Variants in IFT52 observed in about 807,000 individuals in gnomAD.
The protein encoded by IFT52 is intraflagellar transport 52, also known as intraflagellar transport protein 52 homolog.
In IFT52, 44 loss-of-function variants were observed where a neutral mutation model predicts 54.4. The observed-to-expected ratio is 0.81, with a 90% CI of 0.63 to 1.04. The LOEUF (loss-of-function observed/expected upper bound fraction) is 1.04. IFT52 is among the 50% of genes least tolerant of loss of function. The pLI, the probability that IFT52 is intolerant of heterozygous loss-of-function variation, is 0.00. For synonymous variants in IFT52, 181 were observed against 185.3 expected, an observed-to-expected ratio of 0.98 and a Z score of 0.19; for missense variants, 452 against 523.6, an observed-to-expected ratio of 0.86 and a Z score of 1.33.
rs886519019 is a variant in IFT52, at chr20:43,600,763, G to A, written c.208-2997G>A. ...AGGCGGGTGGAACACCAGACGTCAG[G>A]AGTTTGAGACTAGCCTGGCCAACAT... is the stretch of plus-strand genomic sequence containing the variant. On this transcript the variant is annotated intron_variant, in intron 3 of 13. Coordinates refer to ENST00000373030, the MANE Select transcript of IFT52 (RefSeq NM_016004.5). Among the ~76,000 whole-genome samples the A allele has an allele frequency of 1.3e-5, 2 of 152,156 alleles. 1 individual carries two copies.
intron 2 of IFT52, among the ~76,000 whole-genome samples, chr20:43,595,316 C>CAAAAAAAAAAA (rs34012263): frequency 1.6e-5 from 1 of 62,918 alleles, no homozygotes; most frequent in African/African-American, 6.6e-5. Context: ...GACTCCGTCT[C>CAAAAAAAAAAA]AAAAAAAAAA....
At chr20:43,642,725 A>G in intron 13 of IFT52, 101 bp downstream of exon 13, 1 of 1,190,124 alleles carries the variant, frequency 8.4e-7, no homozygotes, top group Non-Finnish European at 1.2e-6. Context: ...TCAGCCTGTA[A>G]ATATTTATTA....
At chr20:43,615,555 G>A (rs1162962087) in intron 7 of IFT52, among the ~76,000 whole-genome samples, 2 of 151,758 alleles carry the variant, frequency 1.3e-5, no homozygotes, top group African/African-American at 4.8e-5. Context: ...TGCAATCCCA[G>A]CACTTTGGGA....
chr20:43,637,641 G>T (rs1038562120), intron 12 of IFT52, among the ~76,000 whole-genome samples: 11 of 152,182 alleles, frequency 7.2e-5, no homozygotes, highest in Non-Finnish European at 1.5e-5. Context: ...TGCTATGAGA[G>T]ACTGCTTAGA....
chr20:43,591,718 A>G lies in IFT52; in HGVS notation c.-7+664A>G, dbSNP rs557093226. On this transcript the variant is annotated intron_variant, in intron 1 of 13. Coordinates refer to ENST00000373030, the MANE Select transcript of IFT52 (RefSeq NM_016004.5). Reference sequence around the variant, plus strand: ...GATTAGCTCTCCAGAACCACCAGATATTATAACATAAAGGTATAGCAATTA... The same window carrying G: ...GATTAGCTCTCCAGAACCACCAGATGTTATAACATAAAGGTATAGCAATTA... Among the ~76,000 whole-genome samples the G allele has an allele frequency of 1.1e-3, 168 of 152,312 alleles. 1 individual carries two copies. The highest frequency in any genetic ancestry group is 3.9e-3 in the African/African-American group (164 of 41,562).
intron 3 of IFT52, among the ~76,000 whole-genome samples, chr20:43,600,104 T>G (rs1434349279): frequency 6.6e-6 from 1 of 152,230 alleles, no homozygotes; most frequent in Non-Finnish European, 1.5e-5. Context: ...TTGTTAATGC[T>G]TGGTCATACA....
chr20:43,645,733 G>A (rs112507662), intron 13 of IFT52, among the ~76,000 whole-genome samples: 2,495 of 52,828 alleles, frequency 0.047, 987 homozygotes, highest in African/African-American at 0.13. Context: ...GTGTGGTGGT[G>A]TGCACCTGTA....
At chr20:43,606,262 C>T (rs1022959603) in intron 6 of IFT52, among the ~76,000 whole-genome samples, 2 of 148,562 alleles carry the variant, frequency 1.3e-5, no homozygotes, top group Admixed American at 1.3e-4. Context: ...TAATAAAGCA[C>T]AAATGAACAT....
chr20:43,611,214 C>A (rs1476765528), intron 6 of IFT52, among the ~76,000 whole-genome samples: 1 of 152,002 alleles, frequency 6.6e-6, no homozygotes, highest in African/African-American at 2.4e-5. Flanking sequence ...CCTGTTATGT[C>A]CCTTCTCCCT....
At chr20:43,604,132 T>C (rs1439261918) in intron 4 of IFT52, 51 bp from the exon 5 acceptor site, 6 of 1,439,222 alleles carry the variant, frequency 4.2e-6, no homozygotes, top group Admixed American at 1.7e-5. Context: ...GTCTATAATA[T>C]CGAATTTATT....
At chr20:43,618,360 C>T (rs1257053756) in intron 7 of IFT52, 1 of 151,656 alleles carries the variant, frequency 6.6e-6, no homozygotes, top group African/African-American at 2.4e-5. Flanking sequence ...ACAGGTATGC[C>T]TCACCACACC....
At chr20:43,594,563 G>T in intron 1 of IFT52, 130 bp from the exon 2 acceptor site, 1 of 611,708 alleles carries the variant, frequency 1.6e-6, no homozygotes, top group East Asian at 2.7e-5. Flanking sequence ...AGAATTGTAG[G>T]AGTTTCCTAG....
At chr20:43,597,314 T>C in intron 3 of IFT52, among the ~76,000 whole-genome samples, 1 of 148,106 alleles carries the variant, frequency 6.8e-6, no homozygotes. Flanking sequence ...GAGCTTGCTG[T>C]GTGCCAAGAT....
At chr20:43,633,773 A>G (rs1045489848) in intron 10 of IFT52, among the ~76,000 whole-genome samples, 2 of 152,106 alleles carry the variant, frequency 1.3e-5, no homozygotes, top group African/African-American at 4.8e-5. Context: ...AATCAAAAGA[A>G]AATTTAAGAT....
chr20:43,593,116 G>T (rs62225577), intron 1 of IFT52, among the ~76,000 whole-genome samples: 6,525 of 152,050 alleles, frequency 0.043, 151 homozygotes, highest in African/African-American at 0.061. Context: ...ATAATAATAA[G>T]AAGAAGTTTT....
intron 7 of IFT52, among the ~76,000 whole-genome samples, chr20:43,618,041 A>C (rs889067864): frequency 5.3e-5 from 8 of 150,740 alleles, no homozygotes; most frequent in African/African-American, 9.7e-5. Context: ...GAGCCACTGC[A>C]CTCAGCCTGC....
chr20:43,636,070 G>T (rs1985520301), intron 11 of IFT52, 57 bp downstream of exon 11: 1 of 1,538,218 alleles, frequency 6.5e-7, no homozygotes, highest in Non-Finnish European at 9.0e-7. Context: ...CCCTTATCTT[G>T]TCAGCAGGCA....
At chr20:43,643,840 A>C (rs1986075921) in intron 13 of IFT52, among the ~76,000 whole-genome samples, 1 of 58,194 alleles carries the variant, frequency 1.7e-5, no homozygotes, top group Admixed American at 2.0e-4. Flanking sequence ...CGTGGCCCAC[A>C]CCTGTAATCC....
intron 9 of IFT52, among the ~76,000 whole-genome samples, chr20:43,621,865 T>C (rs1984325136): frequency 6.6e-6 from 1 of 152,218 alleles, no homozygotes; most frequent in Admixed American, 6.5e-5. Flanking sequence ...GTGTCAGGCA[T>C]TGTATGCCAT....
Sources: allele counts gnomAD v4.1 joint callset (sites outside exome capture counted in the v4.1 genomes callset), GRCh38; gene constraint gnomAD v4.1.1; transcripts MANE v1.5; gene names NCBI Gene and HGNC (gene_info 2026-07-23, HGNC 2026-07-21).